HOOK3: variants seen among roughly 807,000 people sequenced by gnomAD.
The protein encoded by HOOK3 is protein Hook homolog 3.
Under a neutral mutation model 116.3 loss-of-function variants are expected in HOOK3, and 24 were observed. That is an observed-to-expected ratio of 0.21 (90% confidence interval 0.15 to 0.29). The LOEUF (loss-of-function observed/expected upper bound fraction) is 0.29, where lower values mean the gene tolerates loss of function less well. Among genes scored for constraint, HOOK3 ranks in the 10% least tolerant of loss-of-function variants. The probability of loss-of-function intolerance (pLI) is 1.00; values close to 1 mark genes in which losing one functional copy is unlikely to be tolerated. For synonymous variants in HOOK3, 275 were observed against 283.0 expected, an observed-to-expected ratio of 0.97 and a Z score of 0.28; for missense variants, 632 against 830.2, an observed-to-expected ratio of 0.76 and a Z score of 2.93.
chr8:43,004,884 A>G (rs1282606714), intron 17 of HOOK3, among the ~76,000 whole-genome samples: 1 of 152,056 alleles, frequency 6.6e-6, no homozygotes, highest in African/African-American at 2.4e-5. Context: ...TACTATATAT[A>G]TCCAAGATTC....
chr8:42,912,456 G>A (rs540897508), intron 2 of HOOK3, among the ~76,000 whole-genome samples: 3 of 152,260 alleles, frequency 2.0e-5, no homozygotes, highest in Non-Finnish European at 2.9e-5. Context: ...GAGCAAAATT[G>A]AGTGGAAAAG....
intron 2 of HOOK3, among the ~76,000 whole-genome samples, chr8:42,918,822 C>T (rs1807583701): frequency 6.6e-6 from 1 of 152,248 alleles, no homozygotes; most frequent in South Asian, 2.1e-4. Context: ...CCTATGTCTA[C>T]TTCTACACAG....
At chr8:42,959,506 C>T (rs1808497480) in intron 8 of HOOK3, among the ~76,000 whole-genome samples, 192 bp downstream of exon 8, 1 of 151,912 alleles carries the variant, frequency 6.6e-6, no homozygotes, top group Non-Finnish European at 1.5e-5. Flanking sequence ...GTCACTTGAG[C>T]TCAAGAATTC....
chr8:42,928,229 A>G (rs1463940256), intron 3 of HOOK3, among the ~76,000 whole-genome samples: 1 of 152,080 alleles, frequency 6.6e-6, no homozygotes, highest in African/African-American at 2.4e-5. Flanking sequence ...CAGTGAGCCA[A>G]GATGGCGCCA....
intron 21 of HOOK3, among the ~76,000 whole-genome samples, chr8:43,013,845 C>T (rs544628148): frequency 1.3e-5 from 2 of 152,256 alleles, no homozygotes; most frequent in African/African-American, 4.8e-5. Context: ...TTGAATATCC[C>T]AACACAAAAA....
At chr8:42,929,973 T>G in intron 3 of HOOK3, 149 bp from the exon 4 acceptor site, 1 of 663,954 alleles carries the variant, frequency 1.5e-6, no homozygotes, top group Non-Finnish European at 2.5e-6. Flanking sequence ...TTGATGATGA[T>G]GATAATTCAA....
At chr8:42,989,333 T>C (rs1809111513) in intron 15 of HOOK3, among the ~76,000 whole-genome samples, 3 of 152,240 alleles carry the variant, frequency 2.0e-5, no homozygotes, top group Admixed American at 2.0e-4. Context: ...AGAAAGAAGG[T>C]AGAGGCAATT....
chr8:43,025,186 T>C lies in HOOK3; in HGVS notation c.*6688T>C, dbSNP rs1218168293. On this transcript the variant is annotated 3_prime_UTR_variant, in exon 22 of 22. Coordinates refer to ENST00000307602, the MANE Select transcript of HOOK3 (RefSeq NM_032410.4). ...GTGGGGGGTTATAAATGTTTTCCTA[T>C]GATAGATAAATATATAGATATAGAT... 1 of 206,830 alleles carries C rather than the reference T, an allele frequency of 4.8e-6. No individual in the cohort carries two copies. The highest frequency in any genetic ancestry group is 9.9e-6 in the Non-Finnish European group (1 of 101,332). 12.8% of individuals were successfully genotyped at this position (206,830 alleles called of 1,614,324 possible).
chr8:42,904,361 G>A, intron 1 of HOOK3, among the ~76,000 whole-genome samples: 1 of 148,154 alleles, frequency 6.7e-6, no homozygotes, highest in East Asian at 2.0e-4. Flanking sequence ...CCAGGCTGGA[G>A]TGCAGTGGCA....
intron 4 of HOOK3, among the ~76,000 whole-genome samples, chr8:42,935,965 T>C (rs1446101128): frequency 6.6e-6 from 1 of 152,256 alleles, no homozygotes; most frequent in African/African-American, 2.4e-5. Context: ...CCATTGAATC[T>C]ATAAATTGCT....
chr8:42,973,968 G>A, intron 12 of HOOK3, 139 bp from the exon 13 acceptor site: 1 of 680,882 alleles, frequency 1.5e-6, no homozygotes, highest in Non-Finnish European at 2.6e-6. Flanking sequence ...CTCCTTCTAT[G>A]ATCTTTCCAT....
intron 2 of HOOK3, among the ~76,000 whole-genome samples, chr8:42,918,693 A>G (rs1807581339): frequency 6.6e-6 from 1 of 152,216 alleles, no homozygotes; most frequent in East Asian, 1.9e-4. Context: ...CCCTTGATCC[A>G]TTTAACCCTT....
At chr8:42,968,461 C>T (rs1452080200) in intron 11 of HOOK3, among the ~76,000 whole-genome samples, 1 of 152,164 alleles carries the variant, frequency 6.6e-6, no homozygotes, top group East Asian at 1.9e-4. Flanking sequence ...TCCTGAGTAG[C>T]TGGAACTACA....
intron 13 of HOOK3, among the ~76,000 whole-genome samples, chr8:42,979,823 T>C (rs1306654127): frequency 1.3e-5 from 2 of 152,314 alleles, no homozygotes; most frequent in African/African-American, 2.4e-5. Flanking sequence ...CAAGGACGAC[T>C]GAAGGAAATT....
At chr8:42,934,375 A>ATT (rs545217713) in intron 4 of HOOK3, among the ~76,000 whole-genome samples, 4 of 151,892 alleles carry the variant, frequency 2.6e-5, no homozygotes, top group African/African-American at 9.7e-5. Flanking sequence ...TTAATCATAG[A>ATT]TTTTTTTTAC....
rs1276623945 is a variant in HOOK3 at position 43,003,711 on chromosome 8, G to A, written c.1655+1570G>A. Among the ~76,000 whole-genome samples the A allele has an allele frequency of 2.0e-5, 3 of 152,322 alleles. No individual in the cohort carries two copies. The East Asian group carries it at 5.8e-4, about 29-fold the overall frequency. On this transcript the variant is annotated intron_variant, in intron 17 of 21. Coordinates refer to ENST00000307602, the MANE Select transcript of HOOK3 (RefSeq NM_032410.4). ...TGGCAGCAGGCTGGTTCCTTCTTGAGGTTTGGAGGGACAATCTGCTCTGTG... is the reference window on the plus strand; with the variant it reads ...TGGCAGCAGGCTGGTTCCTTCTTGAAGTTTGGAGGGACAATCTGCTCTGTG...
Position 43,019,243 on chromosome 8 carries a change from GA to G in HOOK3, c.*753del, listed in dbSNP as rs1015839897. 6 of 212,010 alleles carry G rather than the reference GA, an allele frequency of 2.8e-5. No homozygotes were observed. Among genetic ancestry groups the G allele is most frequent in the Middle Eastern group, 1.4e-3 (1 of 694 alleles). The allele number at this position is 212,010 out of a possible 1,614,324, so 13.1% of individuals were successfully genotyped here. On this transcript the variant is annotated 3_prime_UTR_variant, in exon 22 of 22. Transcript: ENST00000307602. Reference sequence around the variant, plus strand: ...GGTTATTTTGGGATAAATTACAAAAGAAAAAAAATTAGACACTGCATTAATT... The same window carrying G: ...GGTTATTTTGGGATAAATTACAAAAGAAAAAAATTAGACACTGCATTAATT...
chr8:43,010,130 T>G (rs1809576737), intron 18 of HOOK3, among the ~76,000 whole-genome samples, 175 bp from the exon 19 acceptor site: 1 of 150,692 alleles, frequency 6.6e-6, no homozygotes, highest in South Asian at 2.1e-4. Context: ...ATTCTGAATT[T>G]TTTTAAAATA....
At chr8:42,927,764 C>T (rs889004792) in intron 3 of HOOK3, among the ~76,000 whole-genome samples, 6 of 152,150 alleles carry the variant, frequency 3.9e-5, no homozygotes, top group African/African-American at 9.7e-5. Context: ...GCCAACACAC[C>T]AGGCTAATGT....
Sources: allele counts gnomAD v4.1 joint callset (sites outside exome capture counted in the v4.1 genomes callset), GRCh38; gene constraint gnomAD v4.1.1; transcripts MANE v1.5; gene names NCBI Gene and HGNC (gene_info 2026-07-23, HGNC 2026-07-21).